Variants in STX1B observed in about 807,000 individuals in gnomAD.
The protein encoded by STX1B is syntaxin 1B.
A neutral mutation model predicts 39.4 loss-of-function variants in STX1B; 7 were observed. That is an observed-to-expected ratio of 0.18 (90% CI 0.10 to 0.33). The LOEUF (loss-of-function observed/expected upper bound fraction) is 0.33. Among genes scored for constraint, STX1B ranks in the 10% least tolerant of loss-of-function variants. The probability of loss-of-function intolerance (pLI) is 1.00; values close to 1 mark genes in which losing one functional copy is unlikely to be tolerated. For synonymous variants in STX1B, 136 were observed against 144.1 expected (o/e 0.94, Z 0.40); for missense variants, 198 against 383.2 (o/e 0.52, Z 4.04).
chr16:31,010,296 C>T, intron 1 of STX1B, 71 bp downstream of exon 1: 1 of 1,041,978 alleles, frequency 9.6e-7, no homozygotes, highest in Admixed American at 3.1e-5. Context: ...CAGCACCTCC[C>T]CCACTCCATC....
chr16:30,994,892 C>CTTTTTTTTTTTTTTTTTTTTTTTTTTT lies in STX1B; in HGVS notation c.538-1409_538-1408insAAAAAAAAAAAAAAAAAAAAAAAAAAA, dbSNP rs10524041. The stretch of plus-strand genomic sequence containing the variant: ...TTTGGACAGTGTTCAGTCTCCCCGT[C>CTTTTTTTTTTTTTTTTTTTTTTTTTTT]TTTTTTTTTTTTTTTTTTTTGGTTT... On this transcript the variant is annotated intron_variant, in intron 7 of 9. Coordinates refer to ENST00000215095, the MANE Select transcript of STX1B (RefSeq NM_052874.5). Among the ~76,000 whole-genome samples, 132 of 99,794 alleles carry CTTTTTTTTTTTTTTTTTTTTTTTTTTT rather than the reference C, an allele frequency of 1.3e-3. 2 individuals carry two copies. Among genetic ancestry groups the CTTTTTTTTTTTTTTTTTTTTTTTTTTT allele is most frequent in the East Asian group, 2.7e-3 (5 of 1,850 alleles). The allele number at this position is 99,794 out of a possible 152,430, so 65.5% of individuals were successfully genotyped here.
At chr16:30,996,646 T>C in intron 7 of STX1B, 37 bp downstream of exon 7, 1 of 1,602,784 alleles carries the variant, frequency 6.2e-7, no homozygotes, top group Non-Finnish European at 8.5e-7. Flanking sequence ...GAGGCAAAAA[T>C]TTTCCAAAAG....
In STX1B at chr16:30,992,595, T is replaced by G; in HGVS notation, c.*226A>C. The G allele has an allele frequency of 9.0e-6, 4 of 442,222 alleles. No individual in the cohort carries two copies. The highest frequency in any genetic ancestry group is 3.8e-5 in the East Asian group (1 of 26,406). The allele number at this position is 442,222 out of a possible 1,614,324, so 27.4% of individuals were successfully genotyped here. A position where few individuals can be genotyped will look rare whatever the true frequency, so the allele number is the denominator to read the frequency against. Reference sequence around the variant, plus strand: ...CGAGCATGTGCCGGCGGCATGCATGTTGGTGTGCATGTGTAATCACGCCTG... The same window carrying G: ...CGAGCATGTGCCGGCGGCATGCATGGTGGTGTGCATGTGTAATCACGCCTG... On this transcript the variant is annotated 3_prime_UTR_variant, in exon 10 of 10. Transcript: ENST00000215095.
At chr16:31,004,622 G>A (rs562176079) in intron 1 of STX1B, among the ~76,000 whole-genome samples, 4 of 151,680 alleles carry the variant, frequency 2.6e-5, no homozygotes, top group African/African-American at 9.7e-5. Flanking sequence ...ACTGCAGTGA[G>A]CTGTGATTGT....
intron 4 of STX1B, among the ~76,000 whole-genome samples, chr16:31,000,215 G>A (rs781263127): frequency 2.0e-5 from 3 of 151,572 alleles, no homozygotes; most frequent in Non-Finnish European, 4.4e-5. Context: ...CCAGGATTTG[G>A]TTAGGATTTT....
intron 7 of STX1B, among the ~76,000 whole-genome samples, chr16:30,995,088 G>A (rs1323055883): frequency 6.6e-6 from 1 of 151,138 alleles, no homozygotes; most frequent in Non-Finnish European, 1.5e-5. Context: ...ATTAAAGCAG[G>A]TTTCACCATA....
At chr16:30,994,056 G>C (rs958047050) in intron 7 of STX1B, among the ~76,000 whole-genome samples, 2 of 151,812 alleles carry the variant, frequency 1.3e-5, no homozygotes, top group African/African-American at 2.4e-5. Flanking sequence ...ACTTTGGGAG[G>C]CTGAAGCGGG....
Position 30,993,160 on chromosome 16 carries a change from T to C in STX1B, c.756A>G (p.Lys252=). 1.2e-6 allele frequency: 2 copies of C among 1,614,164 alleles called. No homozygotes were observed. The highest frequency in any genetic ancestry group is 2.2e-5 in the South Asian group (2 of 91,078). ...GGGCCTTGCTCTGATATTTCACTGCTTTCTTGGTGTCAGACACAGCTCGCT... is the reference window on the plus strand; with the variant it reads ...GGGCCTTGCTCTGATATTTCACTGCCTTCTTGGTGTCAGACACAGCTCGCT... The part of the protein sequence containing the change: ...YVERAVSDTK[K]AVKYQSKARR... The change falls in exon 9 of 10, where the codon AAA becomes AAG. Residue 252 remains lysine, a synonymous_variant. Coordinates refer to ENST00000215095, the MANE Select transcript of STX1B (RefSeq NM_052874.5).
intron 7 of STX1B, 71 bp downstream of exon 7, chr16:30,996,612 A>T: frequency 7.3e-7 from 1 of 1,375,846 alleles, no homozygotes; most frequent in Non-Finnish European, 1.0e-6. Flanking sequence ...TTAGGACCTT[A>T]GTTCAACCTG....
intron 7 of STX1B, among the ~76,000 whole-genome samples, chr16:30,993,952 C>T (rs1019774067): frequency 1.3e-4 from 20 of 150,616 alleles, no homozygotes; most frequent in Admixed American, 1.2e-3. Context: ...CGCCACTGCA[C>T]TCCAGCCTGG....
intron 4 of STX1B, among the ~76,000 whole-genome samples, 193 bp from the exon 5 acceptor site, chr16:30,997,768 G>C (rs1277122232): frequency 6.6e-6 from 1 of 152,262 alleles, no homozygotes; most frequent in Non-Finnish European, 1.5e-5. Context: ...ACAGACGTTT[G>C]AGGGGGTTCC....
chr16:31,001,794 G>A lies in STX1B; in HGVS notation c.31-191C>T, dbSNP rs1294499579. On this transcript the variant is annotated intron_variant, in intron 1 of 9. Coordinates refer to ENST00000215095, the MANE Select transcript of STX1B (RefSeq NM_052874.5). The surrounding 1 kb of genome is among the most constrained non-coding windows in gnomAD (Gnocchi z 5.5). Reference sequence around the variant, plus strand: ...CACCAAAAGTGTTTGTCAGCCCAAAGGATTCCTTAGAAGGAATTGGAAAAA... The same window carrying A: ...CACCAAAAGTGTTTGTCAGCCCAAAAGATTCCTTAGAAGGAATTGGAAAAA... Among the ~76,000 whole-genome samples, 1 of 152,188 alleles carries A rather than the reference G, an allele frequency of 6.6e-6. No homozygotes were observed. Among genetic ancestry groups the A allele is most frequent in the East Asian group, 1.9e-4 (1 of 5,188 alleles).
At position 30,991,467 on chromosome 16, in the gene STX1B, C is replaced by G. The variant is rs1350141158; in HGVS notation, c.*1354G>C. On this transcript the variant is annotated 3_prime_UTR_variant, in exon 10 of 10. Transcript: ENST00000215095. ...GGCAGGGCAAGGACAACTGGAGAGA[C>G]AAAGCCAGATGGGGCCACGTCCTTA... 2 of 152,962 alleles carry G rather than the reference C, an allele frequency of 1.3e-5. No individual in the cohort carries two copies. Among genetic ancestry groups the G allele is most frequent in the Admixed American group, 1.3e-4 (2 of 15,268 alleles). 9.5% of individuals were successfully genotyped at this position (152,962 alleles called of 1,614,324 possible). A position where few individuals can be genotyped will look rare whatever the true frequency, so the allele number is the denominator to read the frequency against.
At chr16:30,999,863 T>C (rs879553669) in intron 4 of STX1B, among the ~76,000 whole-genome samples, 10 of 152,208 alleles carry the variant, frequency 6.6e-5, no homozygotes, top group Non-Finnish European at 1.3e-4. Flanking sequence ...TTTCCTATCA[T>C]ATATCTTTCT....
rs369068956 is a variant in STX1B, at chr16:30,998,412, C to G, written c.281-837G>C. ...GCCGGATGGCACCCCAAGGCTCCCC[C>G]GATTGAGTGACAGCTCTGGCTCAGC... On this transcript the variant is annotated intron_variant, in intron 4 of 9. Transcript: ENST00000215095. Among the ~76,000 whole-genome samples, 76 of 152,352 alleles carry G rather than the reference C, an allele frequency of 5.0e-4. 1 individual carries two copies. The East Asian group carries it at 0.01, about 20-fold the overall frequency.
chr16:30,992,696 G>GGTGGAGGAGGT lies in STX1B; in HGVS notation c.*124_*125insACCTCCTCCAC. 1 of 648,094 alleles carries GGTGGAGGAGGT rather than the reference G, an allele frequency of 1.5e-6. No individual in the cohort carries two copies. The highest frequency in any genetic ancestry group is 2.8e-6 in the Non-Finnish European group (1 of 362,640). 40.1% of individuals were successfully genotyped at this position (648,094 alleles called of 1,614,324 possible). On this transcript the variant is annotated 3_prime_UTR_variant, in exon 10 of 10. Transcript: ENST00000215095. ...CAGGGACACCAGGGTCTGCCGTGGG[G>GGTGGAGGAGGT]GTGGGGCTGCCTGGGTCTGTTTTGG...
intron 1 of STX1B, among the ~76,000 whole-genome samples, chr16:31,004,761 C>T (rs955292582): frequency 2.6e-5 from 4 of 152,054 alleles, no homozygotes; most frequent in African/African-American, 9.7e-5. Context: ...TCTGCATTTG[C>T]TGAGTGGTAA....
At chr16:30,998,956 C>T (rs2056609914) in intron 4 of STX1B, among the ~76,000 whole-genome samples, 2 of 152,142 alleles carry the variant, frequency 1.3e-5, no homozygotes, top group African/African-American at 4.8e-5. Context: ...GGTAGGTGCT[C>T]CCAGCTCCAG....
At chr16:30,992,946 C>T (rs368513649) in intron 9 of STX1B, 45 bp from the exon 10 acceptor site, 36 of 1,529,328 alleles carry the variant, frequency 2.4e-5, no homozygotes, top group African/African-American at 1.4e-4. Flanking sequence ...TGAGAGAGAT[C>T]GACACACGGA....
Sources: allele counts gnomAD v4.1 joint callset (sites outside exome capture counted in the v4.1 genomes callset), GRCh38; gene constraint gnomAD v4.1.1; non-coding constraint Gnocchi (gnomAD v3.1); transcripts MANE v1.5; gene names NCBI Gene and HGNC (gene_info 2026-07-23, HGNC 2026-07-21).